The following SLC35E3 variants were observed in gnomAD, a reference collection of about 807,000 sequenced individuals.
SLC35E3 encodes bladder cancer-overexpressed gene 1 protein.
A neutral mutation model predicts 30.8 loss-of-function variants in SLC35E3; 28 were observed. That is an observed-to-expected ratio of 0.91 (90% CI 0.67 to 1.25). The LOEUF (loss-of-function observed/expected upper bound fraction) is 1.25, where lower values mean the gene tolerates loss of function less well. SLC35E3 is among the 50% of genes most tolerant of loss of function. The probability of loss-of-function intolerance (pLI) is 0.00; values close to 1 mark genes in which losing one functional copy is unlikely to be tolerated. For synonymous variants in SLC35E3, 146 were observed against 149.2 expected (o/e 0.98, Z 0.16); for missense variants, 365 against 375.4 (o/e 0.97, Z 0.23).
chr12:68,751,596 G>A (rs1454470129), intron 2 of SLC35E3, among the ~76,000 whole-genome samples: 4 of 152,096 alleles, frequency 2.6e-5, no homozygotes, highest in South Asian at 2.1e-4. Context: ...TCCTGGCCCC[G>A]GTCTTCCATT....
At position 68,746,486 on chromosome 12, in the gene SLC35E3, G is replaced by C; in HGVS notation, c.109G>C (p.Val37Leu). 6.2e-7 allele frequency: 1 copy of C among 1,614,224 alleles called. No homozygotes were observed. Among genetic ancestry groups the C allele is most frequent in the Non-Finnish European group, 8.5e-7 (1 of 1,180,036 alleles). The change falls in exon 1 of 5, where the codon GTG (valine) becomes CTG (leucine). Residue 37 changes from valine to leucine, a missense_variant. Transcript: ENST00000398004. Reference protein sequence around the residue: ...CIVFLNKWIYVYHGFPNMSLT... With the variant: ...CIVFLNKWIYLYHGFPNMSLT... ...TGTGTTCCTCAACAAATGGATTTAT[G>C]TGTACCACGGCTTCCCCAACATGAG...
intron 3 of SLC35E3, among the ~76,000 whole-genome samples, chr12:68,757,643 T>C (rs1011301227): frequency 6.6e-5 from 10 of 152,252 alleles, no homozygotes; most frequent in East Asian, 1.9e-4. Flanking sequence ...ATAAGTGTTA[T>C]GTAAGTGTAA....
chr12:68,756,379 T>C (rs1021508776), intron 3 of SLC35E3, among the ~76,000 whole-genome samples: 3 of 149,112 alleles, frequency 2.0e-5, no homozygotes, highest in Middle Eastern at 3.5e-3. Context: ...AAAGTCATCT[T>C]CATTCCTTAA....
At chr12:68,759,325 T>C in intron 4 of SLC35E3, 86 bp downstream of exon 4, 1 of 940,544 alleles carries the variant, frequency 1.1e-6, no homozygotes, top group Non-Finnish European at 1.7e-6. Flanking sequence ...AATCTCACAC[T>C]AACTATTGCA....
chr12:68,766,851 C>T lies in SLC35E3; in HGVS notation c.*1961C>T, dbSNP rs963664749. ...CTGTCTGCCTCAGCCTCTCGAAGTG[C>T]TGGGATTACAGGCCTGAGCCACCAC... is the stretch of plus-strand genomic sequence containing the variant. On this transcript the variant is annotated 3_prime_UTR_variant, in exon 5 of 5. Coordinates refer to ENST00000398004, the MANE Select transcript of SLC35E3 (RefSeq NM_018656.5). 6.9e-6 allele frequency: 3 copies of T among 433,768 alleles called. No individual in the cohort carries two copies. The highest frequency in any genetic ancestry group is 1.4e-5 in the Non-Finnish European group (3 of 216,444). The allele number at this position is 433,768 out of a possible 1,614,324, so 26.9% of individuals were successfully genotyped here.
chr12:68,748,809 G>T (rs1878690430), intron 2 of SLC35E3, among the ~76,000 whole-genome samples: 1 of 152,124 alleles, frequency 6.6e-6, no homozygotes, highest in African/African-American at 2.4e-5. Flanking sequence ...AAGCCAAAAT[G>T]TGTAACCAAT....
At chr12:68,759,776 CTTATGTA>C (rs1879177602) in intron 4 of SLC35E3, among the ~76,000 whole-genome samples, 1 of 151,266 alleles carries the variant, frequency 6.6e-6, no homozygotes, top group East Asian at 1.9e-4. Context: ...TCTGAATTTT[CTTATGTA>C]ATAGGTGACC....
At position 68,752,122 on chromosome 12, in the gene SLC35E3, G is replaced by T. The variant is rs769215015; in HGVS notation, c.604G>T (p.Ala202Ser). ...GATGTCATCTGCCATGTTGCTGGTT[G>T]CTGTGCCCTTCTTTGAGCCAGTGTT... The part of the protein sequence containing the change: ...APMSSAMLLV[A>S]VPFFEPVFGE... The change falls in exon 3 of 5, where the codon GCT becomes TCT. Residue 202 changes from alanine (A) to serine (S), a missense_variant. Transcript: ENST00000398004. 2 of 1,613,980 alleles carry T rather than the reference G, an allele frequency of 1.2e-6. No homozygotes were observed. The highest frequency in any genetic ancestry group is 1.1e-5 in the South Asian group (1 of 91,036).
chr12:68,747,981 A>G lies in SLC35E3; in HGVS notation c.454A>G (p.Asn152Asp), dbSNP rs754981766. ...AAATTCTTATTACGATGTGAAGTTT[A>G]ATTTCCTTGGAATGGTGTTTGCTGC... ...ILNSYYDVKF[N>D]FLGMVFAALG... Residue 152 changes from asparagine (N) to aspartate (D), a missense_variant, in exon 2 of 5, where the codon AAT (asparagine) becomes GAT (aspartate). Asn to Asp is a conservative substitution (Grantham distance 23). Coordinates refer to ENST00000398004, the MANE Select transcript of SLC35E3 (RefSeq NM_018656.5). 1.2e-6 allele frequency: 2 copies of G among 1,611,472 alleles called. No homozygotes were observed. The highest frequency in any genetic ancestry group is 1.7e-6 in the Non-Finnish European group (2 of 1,178,016).
chr12:68,766,845 G>C lies in SLC35E3; in HGVS notation c.*1955G>C, dbSNP rs1015304682. On this transcript the variant is annotated 3_prime_UTR_variant, in exon 5 of 5. Transcript: ENST00000398004. Reference sequence around the variant, plus strand: ...AGCCATCTGTCTGCCTCAGCCTCTCGAAGTGCTGGGATTACAGGCCTGAGC... The same window carrying C: ...AGCCATCTGTCTGCCTCAGCCTCTCCAAGTGCTGGGATTACAGGCCTGAGC... 2.3e-6 allele frequency: 1 copy of C among 434,678 alleles called. No individual in the cohort carries two copies. The highest frequency in any genetic ancestry group is 1.7e-5 in the South Asian group (1 of 60,012). 26.9% of individuals were successfully genotyped at this position (434,678 alleles called of 1,614,324 possible).
intron 2 of SLC35E3, among the ~76,000 whole-genome samples, chr12:68,750,608 G>A (rs1220763708): frequency 6.6e-6 from 1 of 152,242 alleles, no homozygotes; most frequent in African/African-American, 2.4e-5. Context: ...TTGAGGGACA[G>A]TGGAGGCCTG....
Position 68,767,546 on chromosome 12 carries a change from C to T in SLC35E3, c.*2656C>T, listed in dbSNP as rs1028970283. ...AAAAAAAAAAAAAAAAAGGGAAGAG[C>T]GACAAAATATACCTTTTGATAAGAC... On this transcript the variant is annotated 3_prime_UTR_variant, in exon 5 of 5. Transcript: ENST00000398004. 6.8e-6 allele frequency: 1 copy of T among 147,960 alleles called. No individual in the cohort carries two copies. The highest frequency in any genetic ancestry group is 6.7e-5 in the Admixed American group (1 of 14,830). 9.2% of individuals were successfully genotyped at this position (147,960 alleles called of 1,614,324 possible).
intron 4 of SLC35E3, among the ~76,000 whole-genome samples, chr12:68,761,698 G>A (rs981109964): frequency 6.6e-6 from 1 of 152,198 alleles, no homozygotes; most frequent in Non-Finnish European, 1.5e-5. Flanking sequence ...AGACTGCTAC[G>A]ATATTCTAAT....
At chr12:68,750,922 G>A (rs1248879310) in intron 2 of SLC35E3, among the ~76,000 whole-genome samples, 2 of 152,138 alleles carry the variant, frequency 1.3e-5, no homozygotes, top group African/African-American at 4.8e-5. Flanking sequence ...GTATGTAGAA[G>A]TCATTCAAAA....
chr12:68,755,624 G>C (rs899804393), intron 3 of SLC35E3, among the ~76,000 whole-genome samples: 3 of 152,150 alleles, frequency 2.0e-5, no homozygotes, highest in African/African-American at 7.2e-5. Context: ...CTTCTAGTGA[G>C]GGCCTCAGGA....
rs61099436 is a variant in SLC35E3, at chr12:68,765,565, C to T, written c.*675C>T. On this transcript the variant is annotated 3_prime_UTR_variant, in exon 5 of 5. Transcript: ENST00000398004. ...TCGTACCACTGCACTCCAGCCTGGG[C>T]GACAGAGCAAGACACTGTCTCTCTC... 2.5e-5 allele frequency: 3 copies of T among 120,920 alleles called. No individual in the cohort carries two copies. Among genetic ancestry groups the T allele is most frequent in the Non-Finnish European group, 5.6e-5 (3 of 54,022 alleles). 7.5% of individuals were successfully genotyped at this position (120,920 alleles called of 1,614,324 possible).
Position 68,770,262 on chromosome 12 carries a change from A to T in SLC35E3, c.*5372A>T, listed in dbSNP as rs1472255148. 1 of 152,170 alleles carries T rather than the reference A, an allele frequency of 6.6e-6. No individual in the cohort carries two copies. Among genetic ancestry groups the T allele is most frequent in the African/African-American group, 2.4e-5 (1 of 41,416 alleles). The allele number at this position is 152,170 out of a possible 1,614,324, so 9.4% of individuals were successfully genotyped here. A position where few individuals can be genotyped will look rare whatever the true frequency, so the allele number is the denominator to read the frequency against. On this transcript the variant is annotated 3_prime_UTR_variant, in exon 5 of 5. Transcript: ENST00000398004. ...GTCCTGCACCTGGAAATGTAGATAGACCTCAGGCCATACAATACCTGGAGG... is the reference window on the plus strand; with the variant it reads ...GTCCTGCACCTGGAAATGTAGATAGTCCTCAGGCCATACAATACCTGGAGG...
chr12:68,777,431 T>G lies in SLC35E3; in HGVS notation c.*12541T>G, dbSNP rs1198689860. ...TACCTCCAAAATCTCACTGCTGTTC[T>G]GAAACGCAAGAGATTTTGCCAAGGA... On this transcript the variant is annotated 3_prime_UTR_variant, in exon 5 of 5. Transcript: ENST00000398004. 6.6e-6 allele frequency: 1 copy of G among 152,234 alleles called. No homozygotes were observed. Among genetic ancestry groups the G allele is most frequent in the East Asian group, 1.9e-4 (1 of 5,202 alleles). 9.4% of individuals were successfully genotyped at this position (152,234 alleles called of 1,614,324 possible).
intron 3 of SLC35E3, among the ~76,000 whole-genome samples, chr12:68,756,821 C>T (rs954174084): frequency 6.6e-6 from 1 of 152,200 alleles, no homozygotes; most frequent in Non-Finnish European, 1.5e-5. Context: ...ACCATCCTGG[C>T]TAACACGGTG....
Sources: allele counts gnomAD v4.1 joint callset (sites outside exome capture counted in the v4.1 genomes callset), GRCh38; gene constraint gnomAD v4.1.1; transcripts MANE v1.5; gene names NCBI Gene and HGNC (gene_info 2026-07-23, HGNC 2026-07-21).